Variants in FAM169A observed in about 807,000 individuals in gnomAD.
The protein encoded by FAM169A is family with sequence similarity 169 member A, also known as soluble lamin-associated protein of 75 kDa.
In FAM169A, 24 loss-of-function variants were observed where a neutral mutation model predicts 75.7. The ratio of observed to expected loss-of-function variants is 0.32; its 90% CI spans 0.23 to 0.45. The LOEUF is 0.45. Among genes scored for constraint, FAM169A ranks in the 20% least tolerant of loss-of-function variants. The pLI is 1.00. For missense variants in FAM169A, 673 were observed against 784.0 expected (o/e 0.86, Z 1.69); for synonymous variants, 271 against 271.0 (o/e 1.00, Z 0.00).
chr5:74,798,866 T>C (rs893037407), intron 10 of FAM169A: 8 of 507,596 alleles, frequency 1.6e-5, no homozygotes, highest in African/African-American at 5.9e-5. Flanking sequence ...TAAAGTAAAA[T>C]TGAGGGTATT....
intron 1 of FAM169A, among the ~76,000 whole-genome samples, chr5:74,859,766 C>G (rs2112745013): frequency 6.6e-6 from 1 of 152,010 alleles, no homozygotes; most frequent in Non-Finnish European, 1.5e-5. Context: ...GCCTATAATC[C>G]CAGCACTTTG....
intron 1 of FAM169A, among the ~76,000 whole-genome samples, chr5:74,847,515 C>T (rs1749217504): frequency 6.6e-6 from 1 of 152,084 alleles, no homozygotes; most frequent in African/African-American, 2.4e-5. Context: ...TTAAGACTTG[C>T]ATGTGGGTAC....
At chr5:74,832,975 CA>C (rs1381782671) in intron 5 of FAM169A, among the ~76,000 whole-genome samples, 1 of 151,936 alleles carries the variant, frequency 6.6e-6, no homozygotes, top group Non-Finnish European at 1.5e-5. Flanking sequence ...ACTACCAGAA[CA>C]AGCAGAAATA....
chr5:74,785,169 A>C (rs1038836717), intron 11 of FAM169A, among the ~76,000 whole-genome samples: 31 of 151,506 alleles, frequency 2.0e-4, no homozygotes, highest in African/African-American at 7.5e-4. Flanking sequence ...AAATACAAAA[A>C]TTAGCTGGGC....
At chr5:74,858,323 G>A (rs1255271286) in intron 1 of FAM169A, among the ~76,000 whole-genome samples, 1 of 152,164 alleles carries the variant, frequency 6.6e-6, no homozygotes, top group Non-Finnish European at 1.5e-5. Flanking sequence ...GGGAGGCCAA[G>A]GTTGCAGTGA....
At chr5:74,782,521 TAAATTTCTTTTA>T (rs1303303003) in intron 12 of FAM169A, among the ~76,000 whole-genome samples, 1 of 152,196 alleles carries the variant, frequency 6.6e-6, no homozygotes, top group Non-Finnish European at 1.5e-5. Context: ...GTAACAAAAT[TAAATTTCTTTTA>T]AAATACTCCA....
At chr5:74,860,880 G>C (rs1203016506) in intron 1 of FAM169A, among the ~76,000 whole-genome samples, 1 of 149,718 alleles carries the variant, frequency 6.7e-6, no homozygotes, top group African/African-American at 2.5e-5. Flanking sequence ...GCTCATGCCT[G>C]CAATCCCAGA....
intron 2 of FAM169A, 28 bp downstream of exon 2, chr5:74,841,517 T>G (rs1278386350): frequency 1.3e-6 from 2 of 1,533,506 alleles, no homozygotes; most frequent in Admixed American, 1.9e-5. Flanking sequence ...CTGAAAAGAT[T>G]GATGACAATC....
intron 8 of FAM169A, 137 bp downstream of exon 8, chr5:74,804,356 G>C (rs1380506439): frequency 7.4e-6 from 3 of 404,866 alleles, no homozygotes; most frequent in Non-Finnish European, 1.3e-5. Context: ...GAAGATGCCA[G>C]GAAAACTAAC....
intron 12 of FAM169A, 144 bp from the exon 13 acceptor site, chr5:74,782,152 T>C: frequency 3.1e-6 from 2 of 646,156 alleles, no homozygotes; most frequent in South Asian, 4.2e-5. Context: ...GAATTTCTGT[T>C]CTGCTATATG....
At chr5:74,865,010 G>A (rs1750241289) in intron 1 of FAM169A, among the ~76,000 whole-genome samples, 1 of 152,174 alleles carries the variant, frequency 6.6e-6, no homozygotes, top group Non-Finnish European at 1.5e-5. Flanking sequence ...AAAAACGCAT[G>A]GCACACCAAA....
intron 10 of FAM169A, among the ~76,000 whole-genome samples, chr5:74,798,365 C>T (rs2112517282): frequency 6.6e-6 from 1 of 152,178 alleles, no homozygotes; most frequent in East Asian, 1.9e-4. Flanking sequence ...CTGGGAGGTT[C>T]AATTTAAAAT....
intron 4 of FAM169A, among the ~76,000 whole-genome samples, chr5:74,837,354 T>C (rs958246443): frequency 6.6e-6 from 1 of 152,146 alleles, no homozygotes; most frequent in Non-Finnish European, 1.5e-5. Flanking sequence ...AAGTTTCATA[T>C]CAGACTGGCA....
chr5:74,853,871 C>A (rs1186552241), intron 1 of FAM169A, among the ~76,000 whole-genome samples: 1 of 151,214 alleles, frequency 6.6e-6, no homozygotes, highest in Admixed American at 6.6e-5. Context: ...CCACACCCGG[C>A]TAATCTTCTT....
chr5:74,839,776 G>A (rs771055216), intron 3 of FAM169A, among the ~76,000 whole-genome samples: 6 of 151,800 alleles, frequency 4.0e-5, no homozygotes, highest in South Asian at 2.1e-4. Flanking sequence ...CACCCACCTC[G>A]ACCTCCCAAA....
Position 74,841,629 on chromosome 5 carries a change from C to T in FAM169A, c.48G>A (p.Leu16=). 1 of 1,613,120 alleles carries T rather than the reference C, an allele frequency of 6.2e-7. No individual in the cohort carries two copies. Among genetic ancestry groups the T allele is most frequent in the Non-Finnish European group, 8.5e-7 (1 of 1,179,318 alleles). The stretch of plus-strand genomic sequence containing the variant: ...ACATGTAATCTTCAGCAGAATTTTC[C>T]AATTCCTCATGGCTGCAATTTTCCA... ...DMLENCSHEE[L]ENSAEDYMSD... Residue 16 remains leucine (L), a synonymous_variant, in exon 2 of 13, where the codon TTG becomes TTA. Transcript: ENST00000687041.
intron 11 of FAM169A, among the ~76,000 whole-genome samples, chr5:74,783,836 G>A (rs1745532990): frequency 6.6e-6 from 1 of 151,838 alleles, no homozygotes; most frequent in Admixed American, 6.6e-5. Context: ...AATAATTAAG[G>A]GGAATTTTAT....
chr5:74,857,572 GAAAAAAAAAAAAAAAAA>G (rs35476827), intron 1 of FAM169A, among the ~76,000 whole-genome samples: 14 of 56,308 alleles, frequency 2.5e-4, no homozygotes, highest in South Asian at 7.9e-4. Flanking sequence ...CTTGCCGCGG[GAAAAAAAAAAAAAAAAA>G]AAAAAAAAAA....
At chr5:74,844,624 C>T (rs974793183) in intron 1 of FAM169A, among the ~76,000 whole-genome samples, 6 of 152,040 alleles carry the variant, frequency 3.9e-5, no homozygotes, top group African/African-American at 1.2e-4. Flanking sequence ...TGGAGACCAT[C>T]CTGGCTAACA....
Sources: gnomAD v4.1 joint callset for allele counts (sites outside exome capture counted in the v4.1 genomes callset) on GRCh38, gnomAD v4.1.1 for gene constraint, MANE v1.5 for transcripts, NCBI Gene and HGNC (gene_info 2026-07-23, HGNC 2026-07-21) for gene names.